SLC8A1: variants seen among roughly 807,000 people sequenced by gnomAD.
SLC8A1 encodes sodium/calcium exchanger 1.
Under a neutral mutation model 68.3 loss-of-function variants are expected in SLC8A1, and 18 were observed. That is an observed-to-expected ratio of 0.26 (90% CI 0.18 to 0.39). The LOEUF (loss-of-function observed/expected upper bound fraction) is 0.39, where lower values mean the gene tolerates loss of function less well. Ranked by LOEUF, SLC8A1 falls within the 10% of genes least tolerant of loss-of-function variation. SLC8A1 has a pLI of 1.00. For synonymous variants in SLC8A1, 475 were observed against 415.5 expected (o/e 1.14, Z -1.74); for missense variants, 985 against 1,156.7 (o/e 0.85, Z 2.15).
chr2:40,470,998 T>C (rs1198227650), intron 1 of SLC8A1, among the ~76,000 whole-genome samples: 1 of 152,194 alleles, frequency 6.6e-6, no homozygotes, highest in Non-Finnish European at 1.5e-5. Context: ...GCTATTACTA[T>C]GAGCTCTACA....
At chr2:40,169,483 G>T (rs2047088183) in intron 4 of SLC8A1, among the ~76,000 whole-genome samples, 2 of 152,110 alleles carry the variant, frequency 1.3e-5, no homozygotes, top group African/African-American at 4.8e-5. Flanking sequence ...ACCTGTATTA[G>T]ATCTGGGATA....
At chr2:40,447,167 G>T (rs760507927) in intron 1 of SLC8A1, among the ~76,000 whole-genome samples, 1 of 152,090 alleles carries the variant, frequency 6.6e-6, no homozygotes, top group Admixed American at 6.6e-5. Context: ...TGTCTGAATT[G>T]GTATCACACT....
intron 1 of SLC8A1, among the ~76,000 whole-genome samples, chr2:40,462,396 A>G (rs1703401651): frequency 7.9e-5 from 12 of 152,166 alleles, no homozygotes; most frequent in Admixed American, 7.9e-4. Context: ...TTATTTAAAT[A>G]AATAACATTC....
At chr2:40,237,176 C>T (rs1246630398) in intron 2 of SLC8A1, among the ~76,000 whole-genome samples, 3 of 152,128 alleles carry the variant, frequency 2.0e-5, no homozygotes, top group Non-Finnish European at 4.4e-5. Context: ...GGGAAGTTCT[C>T]CTGGATAATA....
chr2:40,448,512 G>A (rs538234995), intron 1 of SLC8A1, among the ~76,000 whole-genome samples: 6 of 152,246 alleles, frequency 3.9e-5, no homozygotes, highest in African/African-American at 9.6e-5. Flanking sequence ...AAATACCTTC[G>A]TTTAAAAAGA....
intron 2 of SLC8A1, among the ~76,000 whole-genome samples, chr2:40,283,933 A>T (rs1559088899): frequency 6.6e-6 from 1 of 152,162 alleles, no homozygotes; most frequent in Admixed American, 6.6e-5. Context: ...TTTTTCTGAA[A>T]AGCAAAGCTG....
intron 5 of SLC8A1, 30 bp from the exon 9 acceptor site, chr2:40,160,894 G>T (rs961704388): frequency 1.3e-6 from 2 of 1,534,322 alleles, no homozygotes; most frequent in Non-Finnish European, 9.0e-7. Flanking sequence ...AAATATAAAT[G>T]CTGGGTTCGC....
chr2:40,190,586 A>G (rs2051604919), intron 2 of SLC8A1: 1 of 152,168 alleles, frequency 6.6e-6, no homozygotes, highest in South Asian at 2.1e-4. Context: ...TTTCTTTGGT[A>G]ACTCAGTACC....
intron 6 of SLC8A1, among the ~76,000 whole-genome samples, chr2:40,145,037 AT>A (rs998058510): frequency 7.9e-5 from 12 of 152,256 alleles, no homozygotes; most frequent in African/African-American, 2.6e-4. Context: ...CCTATCTGCT[AT>A]TTTGTATCCT....
intron 2 of SLC8A1, among the ~76,000 whole-genome samples, chr2:40,270,674 G>A (rs1330804805): frequency 6.6e-6 from 1 of 152,206 alleles, no homozygotes; most frequent in Non-Finnish European, 1.5e-5. Context: ...CTCATCTCAA[G>A]GACTTAATCA....
intron 1 of SLC8A1, among the ~76,000 whole-genome samples, chr2:40,465,650 T>C (rs966275812): frequency 2.0e-5 from 3 of 152,186 alleles, no homozygotes; most frequent in South Asian, 2.1e-4. Flanking sequence ...AGTTAGGTCA[T>C]TATAAAGAAT....
chr2:40,239,631 A>C (rs928324634), intron 2 of SLC8A1, among the ~76,000 whole-genome samples: 3 of 152,150 alleles, frequency 2.0e-5, no homozygotes, highest in Non-Finnish European at 4.4e-5. Flanking sequence ...TGCCAGTTAC[A>C]ACTGGTGCAT....
At chr2:40,199,862 G>A (rs879524798) in intron 2 of SLC8A1, among the ~76,000 whole-genome samples, 1 of 151,352 alleles carries the variant, frequency 6.6e-6, no homozygotes, top group Non-Finnish European at 1.5e-5. Context: ...GCTCATCAGT[G>A]GCCATATTTG....
At chr2:40,414,437 G>T (rs903112250) in intron 2 of SLC8A1, among the ~76,000 whole-genome samples, 1 of 152,158 alleles carries the variant, frequency 6.6e-6, no homozygotes, top group Non-Finnish European at 1.5e-5. Flanking sequence ...TACATCTGCT[G>T]AGTAACATTG....
intron 2 of SLC8A1, among the ~76,000 whole-genome samples, chr2:40,345,194 C>T (rs986215624): frequency 2.0e-5 from 3 of 152,056 alleles, no homozygotes; most frequent in Non-Finnish European, 4.4e-5. Flanking sequence ...TTTGACACTC[C>T]GTCTCCTGTG....
At chr2:40,497,703 G>A (rs953783429) in intron 1 of SLC8A1, among the ~76,000 whole-genome samples, 1 of 152,022 alleles carries the variant, frequency 6.6e-6, no homozygotes, top group Non-Finnish European at 1.5e-5. Context: ...TGCTTATGGG[G>A]AGACAGTGAG....
At chr2:40,281,532 C>A (rs1279788136) in intron 2 of SLC8A1, among the ~76,000 whole-genome samples, 1 of 152,142 alleles carries the variant, frequency 6.6e-6, no homozygotes, top group Non-Finnish European at 1.5e-5. Context: ...GGACTTGAGT[C>A]CCAACTTGCA....
intron 5 of SLC8A1, among the ~76,000 whole-genome samples, chr2:40,164,207 A>G (rs2046164518): frequency 1.3e-5 from 2 of 152,158 alleles, no homozygotes; most frequent in African/African-American, 4.8e-5. Context: ...TTCACTTCAA[A>G]GTCTTAAGCT....
intron 2 of SLC8A1, among the ~76,000 whole-genome samples, chr2:40,239,835 C>T (rs1393634726): frequency 2.0e-5 from 3 of 152,202 alleles, no homozygotes; most frequent in African/African-American, 7.2e-5. Context: ...CAGTATCCTC[C>T]TTAGTGTATG....
Sources: allele counts gnomAD v4.1 joint callset (sites outside exome capture counted in the v4.1 genomes callset), GRCh38; gene constraint gnomAD v4.1.1; transcripts MANE v1.5; gene names NCBI Gene and HGNC (gene_info 2026-07-23, HGNC 2026-07-21).